CCNA2: variants seen among roughly 807,000 people sequenced by gnomAD.
CCNA2 encodes cyclin-A2.
A neutral mutation model predicts 49.4 loss-of-function variants in CCNA2; 3 were observed. That is an observed-to-expected ratio of 0.06 (90% CI 0.03 to 0.16). CCNA2 has a LOEUF of 0.16. Ranked by LOEUF, CCNA2 falls within the 10% of genes least tolerant of loss-of-function variation. The pLI is 1.00. For synonymous variants in CCNA2, 206 were observed against 197.2 expected (o/e 1.04, Z -0.37); for missense variants, 372 against 519.7 (o/e 0.72, Z 2.76).
chr4:121,819,451 G>A lies in CCNA2; in HGVS notation c.923C>T (p.Ala308Val). 6.2e-7 allele frequency: 1 copy of A among 1,614,028 alleles called. No individual in the cohort carries two copies. Among genetic ancestry groups the A allele is most frequent in the Non-Finnish European group, 8.5e-7 (1 of 1,179,902 alleles). ...GGTAAGAAACTGATTTACTGTTGGAGCAGCTAAGTCAAAAGTAAGGACTTT... is the reference window on the plus strand; with the variant it reads ...GGTAAGAAACTGATTTACTGTTGGAACAGCTAAGTCAAAAGTAAGGACTTT... ...VLKVLTFDLA[A>V]PTVNQFLTQY... is the part of the protein sequence containing the mutation. The change falls in exon 5 of 8, where the codon GCT becomes GTT. Residue 308 changes from alanine (A) to valine (V), a missense_variant. By Grantham distance (64) the Ala-to-Val change is moderately conservative. Coordinates refer to ENST00000274026, the MANE Select transcript of CCNA2 (RefSeq NM_001237.5).
At position 121,820,693 on chromosome 4, in the gene CCNA2, C is replaced by G; in HGVS notation, c.643G>C (p.Val215Leu). The G allele has an allele frequency of 6.2e-7, 1 of 1,613,946 alleles. No individual in the cohort carries two copies. The highest frequency in any genetic ancestry group is 2.2e-5 in the East Asian group (1 of 44,884). The change falls in exon 4 of 8, where the codon GTG (valine) becomes CTG (leucine). Residue 215 changes from valine to leucine, a missense_variant. By Grantham distance (32) the Val-to-Leu change is conservative. This residue lies in a region of CCNA2 where 155 missense variants were observed against 288.1 expected (regional missense o/e 0.54). Coordinates refer to ENST00000274026, the MANE Select transcript of CCNA2 (RefSeq NM_001237.5). This position sits in a 1 kb window ranked among gnomAD's most constrained non-coding sequence, Gnocchi z 4.1. Reference sequence around the variant, plus strand: ...TCTCCTACTTCAACTAACCAGTCCACGAGGATAGCTCTCATACTGTTAGTG... The same window carrying G: ...TCTCCTACTTCAACTAACCAGTCCAGGAGGATAGCTCTCATACTGTTAGTG... ...DITNSMRAILVDWLVEVGEEY... is the reference protein window; with the variant it reads ...DITNSMRAILLDWLVEVGEEY...
Position 121,822,470 on chromosome 4 carries a change from T to C in CCNA2, c.390A>G (p.Ser130=), listed in dbSNP as rs1724711702. ...TTCTGGGTCCAGGTAAACTAATGGC[T>C]GAATTAAAAGCCAGGGCATCTTCAC... ...IEREDALAFN[S]AISLPGPRKP... Residue 130 remains serine (S), a synonymous_variant, in exon 2 of 8, where the codon TCA becomes TCG. Coordinates refer to ENST00000274026, the MANE Select transcript of CCNA2 (RefSeq NM_001237.5). The C allele has an allele frequency of 6.2e-7, 1 of 1,614,054 alleles. No individual in the cohort carries two copies. Among genetic ancestry groups the C allele is most frequent in the African/African-American group, 1.3e-5 (1 of 74,934 alleles).
At chr4:121,821,327 C>T (rs1277167213) in intron 2 of CCNA2, among the ~76,000 whole-genome samples, 3 of 150,048 alleles carry the variant, frequency 2.0e-5, no homozygotes, top group Admixed American at 6.6e-5. Context: ...TATTGGTAGG[C>T]CCCTAACAGG....
intron 1 of CCNA2, 35 bp from the exon 2 acceptor site, chr4:121,822,681 T>C (rs1724719150): frequency 2.5e-6 from 4 of 1,597,366 alleles, no homozygotes; most frequent in East Asian, 2.2e-5. Flanking sequence ...TTGAGCCTAC[T>C]AGTCTTGCAT....
chr4:121,823,484 C>T lies in CCNA2; in HGVS notation c.145G>A (p.Ala49Thr), dbSNP rs1248966545. ...APVQQPRTRA[A>T]LAVLKSGNPR... ...TTCCCGGACTTCAGTACCGCCAGCG[C>T]GGCCCGGGTCCGCGGTTGTTGGACG... is the stretch of plus-strand genomic sequence containing the variant. Residue 49 changes from alanine to threonine, a missense_variant, in exon 1 of 8, where the codon GCG becomes ACG. Around this residue, in one of 2 missense-constraint regions of CCNA2, gnomAD observed 217 missense variants for 231.7 expected, o/e 0.94. Coordinates refer to ENST00000274026, the MANE Select transcript of CCNA2 (RefSeq NM_001237.5). 3.1e-6 allele frequency: 5 copies of T among 1,613,490 alleles called. No homozygotes were observed. Among genetic ancestry groups the T allele is most frequent in the African/African-American group, 1.3e-5 (1 of 75,062 alleles).
At chr4:121,823,314 CA>C in intron 1 of CCNA2, 101 bp downstream of exon 1, 1 of 1,395,136 alleles carries the variant, frequency 7.2e-7, no homozygotes, top group East Asian at 2.5e-5. Flanking sequence ...GGCCCCCTTC[CA>C]AAAGCCCAGG....
Position 121,819,474 on chromosome 4 carries a change from T to G in CCNA2, c.900A>C (p.Lys300Asn). The G allele has an allele frequency of 6.2e-7, 1 of 1,613,790 alleles. No individual in the cohort carries two copies. The highest frequency in any genetic ancestry group is 8.5e-7 in the Non-Finnish European group (1 of 1,179,690). ...GAGCAGCTAAGTCAAAAGTAAGGAC[T>G]TTCAAAACTAGATGCTCCATTCTCA... ...QVLRMEHLVLKVLTFDLAAPT... is the reference protein window; with the variant it reads ...QVLRMEHLVLNVLTFDLAAPT... The change falls in exon 5 of 8, where the codon AAA (lysine) becomes AAC (asparagine). Residue 300 changes from lysine to asparagine, a missense_variant. Around this residue, in one of 2 missense-constraint regions of CCNA2, gnomAD observed 155 missense variants for 288.1 expected, o/e 0.54. Coordinates refer to ENST00000274026, the MANE Select transcript of CCNA2 (RefSeq NM_001237.5).
At position 121,816,846 on chromosome 4, in the gene CCNA2, C is replaced by A; in HGVS notation, c.*792G>T. 6.3e-7 allele frequency: 1 copy of A among 1,587,568 alleles called. No homozygotes were observed. Among genetic ancestry groups the A allele is most frequent in the Non-Finnish European group, 8.6e-7 (1 of 1,164,276 alleles). ...GTGAAAAGAAGAAAAAAGAAGAGAG[C>A]TGCCAATTAAAGCTAACAGTTGTAT... On this transcript the variant is annotated 3_prime_UTR_variant, in exon 8 of 8. Transcript: ENST00000274026.
chr4:121,823,190 C>T (rs551783769), intron 1 of CCNA2, among the ~76,000 whole-genome samples: 9 of 152,194 alleles, frequency 5.9e-5, no homozygotes, highest in African/African-American at 2.2e-4. Flanking sequence ...CAGATGCCCC[C>T]TATAGAGAGC....
chr4:121,816,870 A>T lies in CCNA2; in HGVS notation c.*768T>A. 6.5e-7 allele frequency: 1 copy of T among 1,545,554 alleles called. No homozygotes were observed. Among genetic ancestry groups the T allele is most frequent in the Non-Finnish European group, 8.8e-7 (1 of 1,141,368 alleles). ...GCTGCCAATTAAAGCTAACAGTTGT[A>T]TATCTGTATATATAACTATTAAAAG... is the stretch of plus-strand genomic sequence containing the variant. On this transcript the variant is annotated 3_prime_UTR_variant, in exon 8 of 8. Coordinates refer to ENST00000274026, the MANE Select transcript of CCNA2 (RefSeq NM_001237.5).
Position 121,819,556 on chromosome 4 carries a change from G to A in CCNA2, c.818C>T (p.Pro273Leu). Residue 273 changes from proline (P) to leucine (L), a missense_variant, in exon 5 of 8, where the codon CCA becomes CTA. Around this residue, in one of 2 missense-constraint regions of CCNA2, gnomAD observed 155 missense variants for 288.1 expected, o/e 0.54. Coordinates refer to ENST00000274026, the MANE Select transcript of CCNA2 (RefSeq NM_001237.5). Reference sequence around the variant, plus strand: ...AATGTACACAAACTCTGCTACTTCTGGGGGGTATATTTCTTCAAACTTTCT... The same window carrying A: ...AATGTACACAAACTCTGCTACTTCTAGGGGGTATATTTCTTCAAACTTTCT... ...LASKFEEIYP[P>L]EVAEFVYITD... The A allele has an allele frequency of 1.2e-6, 2 of 1,610,950 alleles. No homozygotes were observed. Among genetic ancestry groups the A allele is most frequent in the South Asian group, 1.1e-5 (1 of 90,958 alleles).
rs1724617404 is a variant in CCNA2 at position 121,818,822 on chromosome 4, T to C, written c.1094A>G (p.Tyr365Cys). 1 of 1,611,980 alleles carries C rather than the reference T, an allele frequency of 6.2e-7. No homozygotes were observed. Among genetic ancestry groups the C allele is most frequent in the Non-Finnish European group, 8.5e-7 (1 of 1,178,034 alleles). Residue 365 changes from tyrosine to cysteine, a missense_variant, in exon 6 of 8, where the codon TAC becomes TGC. Physicochemically the swap from Tyr to Cys is radical, Grantham distance 194. Coordinates refer to ENST00000274026, the MANE Select transcript of CCNA2 (RefSeq NM_001237.5). ...IAGAAFHLAL[Y>C]TVTGQSWPES... ...TACCCAGCTTTGTCCCGTGACTGTG[T>C]AGAGTGCTAAATGAAAGGCAGCTCC...
rs1724662266 is a variant in CCNA2, at chr4:121,820,360, A to G, written c.794+182T>C. Among the ~76,000 whole-genome samples the G allele has an allele frequency of 6.6e-6, 1 of 152,180 alleles. No homozygotes were observed. Among genetic ancestry groups the G allele is most frequent in the South Asian group, 2.1e-4 (1 of 4,832 alleles). On this transcript the variant is annotated intron_variant, in intron 4 of 7. Transcript: ENST00000274026. This position sits in a 1 kb window ranked among gnomAD's most constrained non-coding sequence, Gnocchi z 4.1. ...GTTCAAGGAATCCAGTTGGGGGAAA[A>G]TTAGTGTTCTAGATTAGAACAGTTT...
chr4:121,823,656 T>C lies in CCNA2; in HGVS notation c.-28A>G, dbSNP rs780635306. 1 of 1,542,916 alleles carries C rather than the reference T, an allele frequency of 6.5e-7. No individual in the cohort carries two copies. Among genetic ancestry groups the C allele is most frequent in the South Asian group, 1.2e-5 (1 of 84,948 alleles). On this transcript the variant is annotated 5_prime_UTR_variant, in exon 1 of 8. Transcript: ENST00000274026. ...CTGCTCCCGGGAGTGGACGGCGGGATCAGCCTGCGGCGCCAAGCAGCGTGC... is the reference window on the plus strand; with the variant it reads ...CTGCTCCCGGGAGTGGACGGCGGGACCAGCCTGCGGCGCCAAGCAGCGTGC...
rs1439381854 is a variant in CCNA2, at chr4:121,820,851, A to G, written c.571-86T>C. The G allele has an allele frequency of 2.4e-6, 3 of 1,235,198 alleles. No individual in the cohort carries two copies. The highest frequency in any genetic ancestry group is 3.8e-5 in the Admixed American group (2 of 52,424). 76.5% of individuals were successfully genotyped at this position (1,235,198 alleles called of 1,614,324 possible). ...ATTTTACCATTAATTACGAGAGGCT[A>G]CATGCTATAAACTTAACTGTAGCAT... On this transcript the variant is annotated intron_variant, in intron 3 of 7. Transcript: ENST00000274026. This position sits in a 1 kb window ranked among gnomAD's most constrained non-coding sequence, Gnocchi z 4.1.
Position 121,820,710 on chromosome 4 carries a change from C to T in CCNA2, c.626G>A (p.Ser209Asn). Residue 209 changes from serine (S) to asparagine (N), a missense_variant, in exon 4 of 8, where the codon AGT (serine) becomes AAT (asparagine). By Grantham distance (46) the Ser-to-Asn change is conservative. Coordinates refer to ENST00000274026, the MANE Select transcript of CCNA2 (RefSeq NM_001237.5). The surrounding 1 kb of genome is among the most constrained non-coding windows in gnomAD (Gnocchi z 4.1). ...YMKKQPDITN[S>N]MRAILVDWLV... is the part of the protein sequence containing the mutation. ...CCAGTCCACGAGGATAGCTCTCATA[C>T]TGTTAGTGATGTCTGGCTGTTTCTT... is the stretch of plus-strand genomic sequence containing the variant. 1 of 1,614,018 alleles carries T rather than the reference C, an allele frequency of 6.2e-7. No homozygotes were observed. Among genetic ancestry groups the T allele is most frequent in the Non-Finnish European group, 8.5e-7 (1 of 1,179,846 alleles).
At position 121,819,555 on chromosome 4, in the gene CCNA2, TG is replaced by T. The variant is rs1560632032; in HGVS notation, c.818del (p.Pro273GlnfsTer3). On this transcript the variant is annotated frameshift_variant, in exon 5 of 8. Transcript: ENST00000274026. LOFTEE classifies it high-confidence loss of function. ...LASKFEEIYP[P>X]EVAEFVYITD... is the part of the protein sequence containing the mutation. ...TAATGTACACAAACTCTGCTACTTC[TG>T]GGGGGTATATTTCTTCAAACTTTCT... 4 of 1,613,578 alleles carry T rather than the reference TG, an allele frequency of 2.5e-6. No individual in the cohort carries two copies. Among genetic ancestry groups the T allele is most frequent in the South Asian group, 1.1e-5 (1 of 91,044 alleles).
chr4:121,817,958 G>A (rs1473378833), intron 7 of CCNA2, 86 bp downstream of exon 7: 2 of 1,318,316 alleles, frequency 1.5e-6, no homozygotes, highest in African/African-American at 1.5e-5. Context: ...GGAGGCTATG[G>A]CAGATTCATG....
In CCNA2 at chr4:121,816,488, C is replaced by G. The variant is rs766002721; in HGVS notation, c.*1150G>C. On this transcript the variant is annotated 3_prime_UTR_variant, in exon 8 of 8. Transcript: ENST00000274026. The stretch of plus-strand genomic sequence containing the variant: ...TTTATTTCAAATGTATACATATACT[C>G]AACACTTATAGAGGTTTGCTCTCTG... 2 of 1,259,748 alleles carry G rather than the reference C, an allele frequency of 1.6e-6. No homozygotes were observed. The highest frequency in any genetic ancestry group is 3.0e-5 in the African/African-American group (2 of 65,756). The allele number at this position is 1,259,748 out of a possible 1,614,324, so 78.0% of individuals were successfully genotyped here.
Sources: gnomAD v4.1 joint callset for allele counts (sites outside exome capture counted in the v4.1 genomes callset) on GRCh38, gnomAD v4.1.1 for gene constraint, gnomAD v4.1.1 regional missense constraint, Gnocchi (gnomAD v3.1) non-coding constraint, MANE v1.5 for transcripts, NCBI Gene and HGNC (gene_info 2026-07-23, HGNC 2026-07-21) for gene names.